The following SPHKAP variants were observed in gnomAD, a reference collection of about 807,000 sequenced individuals.
SPHKAP encodes A-kinase anchor protein SPHKAP.
SPHKAP carries 67 observed loss-of-function variants against 137.5 expected under a neutral mutation model. The observed-to-expected ratio is 0.49, with a 90% CI of 0.40 to 0.60. The LOEUF (loss-of-function observed/expected upper bound fraction) is 0.60. Ranked by LOEUF, SPHKAP falls within the 20% of genes least tolerant of loss-of-function variation. The probability of loss-of-function intolerance (pLI) is 0.00; values close to 1 mark genes in which losing one functional copy is unlikely to be tolerated. For missense variants in SPHKAP, 2,097 were observed against 2,069.3 expected (o/e 1.01, Z -0.26); for synonymous variants, 813 against 785.3 (o/e 1.04, Z -0.59).
At chr2:228,024,361 T>TAAA (rs1553614221) in intron 5 of SPHKAP, among the ~76,000 whole-genome samples, 1,654 of 145,174 alleles carry the variant, frequency 0.011, 17 homozygotes, top group Middle Eastern at 0.028. Context: ...TTTTTTTTTT[T>TAAA]AAATCTGTGA....
chr2:228,008,443 C>T (rs1263698853), intron 7 of SPHKAP, among the ~76,000 whole-genome samples: 1 of 152,052 alleles, frequency 6.6e-6, no homozygotes, highest in Non-Finnish European at 1.5e-5. Flanking sequence ...ATTATAGGCA[C>T]ACCATCACAC....
intron 3 of SPHKAP, among the ~76,000 whole-genome samples, chr2:228,032,272 A>G (rs1208250213): frequency 6.6e-6 from 1 of 152,230 alleles, no homozygotes; most frequent in Non-Finnish European, 1.5e-5. Context: ...AACTGGAAGA[A>G]AGGGTATCAT....
intron 1 of SPHKAP, among the ~76,000 whole-genome samples, chr2:228,166,803 T>C (rs1359297450): frequency 6.6e-6 from 1 of 152,176 alleles, no homozygotes; most frequent in African/African-American, 2.4e-5. Context: ...TAGTGATTTA[T>C]AAAGAAAGCA....
chr2:228,002,453 G>C (rs1194822315), intron 7 of SPHKAP, among the ~76,000 whole-genome samples: 2 of 152,166 alleles, frequency 1.3e-5, no homozygotes, highest in Admixed American at 6.5e-5. Flanking sequence ...GTTCTTTGTA[G>C]ATTCTGGATA....
chr2:227,995,096 G>T (rs1693579417), intron 8 of SPHKAP, among the ~76,000 whole-genome samples: 1 of 152,210 alleles, frequency 6.6e-6, no homozygotes, highest in Non-Finnish European at 1.5e-5. Context: ...GAACAGTCAG[G>T]CCAAACAATA....
chr2:228,030,855 A>AT (rs894318978), intron 3 of SPHKAP, among the ~76,000 whole-genome samples: 1 of 152,086 alleles, frequency 6.6e-6, no homozygotes, highest in Admixed American at 6.6e-5. Flanking sequence ...TGGTTGACTG[A>AT]TTTTTTAACT....
intron 2 of SPHKAP, among the ~76,000 whole-genome samples, chr2:228,126,903 G>A (rs971897859): frequency 6.6e-6 from 1 of 152,142 alleles, no homozygotes; most frequent in Non-Finnish European, 1.5e-5. Flanking sequence ...TATGAAACAT[G>A]TGAAAGAAAT....
At chr2:228,155,983 G>A (rs1436045018) in intron 1 of SPHKAP, among the ~76,000 whole-genome samples, 1 of 152,150 alleles carries the variant, frequency 6.6e-6, no homozygotes, top group African/African-American at 2.4e-5. Flanking sequence ...CAGCTTCTAG[G>A]CAGAGTGGAA....
At chr2:228,079,525 T>TC (rs561666214) in intron 3 of SPHKAP, among the ~76,000 whole-genome samples, 24 of 152,254 alleles carry the variant, frequency 1.6e-4, no homozygotes, top group African/African-American at 5.5e-4. Flanking sequence ...CCTAGACCTA[T>TC]CCCCAGGGAC....
intron 1 of SPHKAP, chr2:228,132,516 A>G (rs1187759042): frequency 1.1e-6 from 1 of 878,076 alleles, no homozygotes; most frequent in Non-Finnish European, 1.4e-6. Flanking sequence ...ATCTGGACTC[A>G]GAATAGTACC....
intron 2 of SPHKAP, among the ~76,000 whole-genome samples, chr2:228,124,023 A>G (rs1480259134): frequency 2.6e-5 from 4 of 151,828 alleles, no homozygotes; most frequent in Non-Finnish European, 5.9e-5. Flanking sequence ...GCAAATCAAA[A>G]CCACGATGAG....
intron 1 of SPHKAP, among the ~76,000 whole-genome samples, chr2:228,147,820 T>C (rs1481773445): frequency 6.6e-6 from 1 of 152,076 alleles, no homozygotes; most frequent in East Asian, 1.9e-4. Flanking sequence ...AGCATCACAG[T>C]AGGGGAGGTG....
chr2:228,050,908 G>A (rs999547926), intron 3 of SPHKAP, among the ~76,000 whole-genome samples: 1 of 152,060 alleles, frequency 6.6e-6, no homozygotes, highest in African/African-American at 2.4e-5. Context: ...CTGGGCTCAG[G>A]TGGTCCTCCC....
At chr2:228,118,868 A>G (rs750847626) in intron 2 of SPHKAP, among the ~76,000 whole-genome samples, 9 of 152,224 alleles carry the variant, frequency 5.9e-5, no homozygotes, top group Non-Finnish European at 1.0e-4. Flanking sequence ...ACAAAACAAG[A>G]ATAACAACAA....
rs1249916008 is a variant in SPHKAP at position 228,134,184 on chromosome 2, CAGAA to C, written c.33-2103_33-2100del. On this transcript the variant is annotated intron_variant, in intron 1 of 11. Transcript: ENST00000392056. ...AAGGAAGAGAAGGGAGGGAGGAAGACAGAAGGAAGGAGGGAGGGAGCGAGGAAGG... is the reference window on the plus strand; with the variant it reads ...AAGGAAGAGAAGGGAGGGAGGAAGACGGAAGGAGGGAGGGAGCGAGGAAGG... 3.7e-4 allele frequency among the ~76,000 whole-genome samples: 45 copies of C among 121,162 alleles called. 1 individual carries two copies. Among genetic ancestry groups the C allele is most frequent in the South Asian group, 1.6e-3 (6 of 3,680 alleles). The allele number at this position is 121,162 out of a possible 152,430, so 79.5% of individuals were successfully genotyped here. A position where few individuals can be genotyped will look rare whatever the true frequency, so the allele number is the denominator to read the frequency against.
chr2:228,092,135 G>GATACATATACGTATA, intron 3 of SPHKAP, among the ~76,000 whole-genome samples: 1 of 141,010 alleles, frequency 7.1e-6, no homozygotes, highest in South Asian at 2.2e-4. Flanking sequence ...ACGTATATGT[G>GATACATATACGTATA]TGTACACATA....
intron 2 of SPHKAP, among the ~76,000 whole-genome samples, chr2:228,115,249 G>A (rs1698670913): frequency 1.3e-5 from 2 of 152,072 alleles, no homozygotes; most frequent in East Asian, 1.9e-4. Flanking sequence ...GTAGCTCCAG[G>A]TTTAACCTTT....
At chr2:228,143,033 CTG>C (rs1699653778) in intron 1 of SPHKAP, among the ~76,000 whole-genome samples, 1 of 151,944 alleles carries the variant, frequency 6.6e-6, no homozygotes, top group African/African-American at 2.4e-5. Flanking sequence ...GACTTACACA[CTG>C]AGATATTCAA....
chr2:228,177,700 C>A (rs1011523674), intron 1 of SPHKAP, among the ~76,000 whole-genome samples: 1 of 152,044 alleles, frequency 6.6e-6, no homozygotes, highest in African/African-American at 2.4e-5. Context: ...CTGGAACTAA[C>A]ATACTGAGGG....
Sources: allele counts gnomAD v4.1 joint callset (sites outside exome capture counted in the v4.1 genomes callset), GRCh38; gene constraint gnomAD v4.1.1; transcripts MANE v1.5; gene names NCBI Gene and HGNC (gene_info 2026-07-23, HGNC 2026-07-21).